ADAMTSL1: variants seen among roughly 807,000 people sequenced by gnomAD.
ADAMTSL1 encodes ADAMTS like 1, also known as ADAMTS-like protein 1.
ADAMTSL1 carries 126 observed loss-of-function variants against 201.8 expected under a neutral mutation model. The ratio of observed to expected loss-of-function variants is 0.62; its 90% CI spans 0.54 to 0.72. The LOEUF (loss-of-function observed/expected upper bound fraction) is 0.72. Ranked by LOEUF, ADAMTSL1 falls within the 30% of genes least tolerant of loss-of-function variation. The probability of loss-of-function intolerance (pLI) is 0.00; values close to 1 mark genes in which losing one functional copy is unlikely to be tolerated. For missense variants in ADAMTSL1, 2,679 were observed against 2,277.8 expected, an observed-to-expected ratio of 1.18 and a Z score of -3.59; for synonymous variants, 1,121 against 903.4, an observed-to-expected ratio of 1.24 and a Z score of -4.32.
At chr9:18,246,826 C>G (rs773183286) in intron 2 of ADAMTSL1, among the ~76,000 whole-genome samples, 2 of 152,070 alleles carry the variant, frequency 1.3e-5, no homozygotes, top group Non-Finnish European at 2.9e-5. Flanking sequence ...CAAAATTAAA[C>G]AAATACCTTC....
intron 1 of ADAMTSL1, among the ~76,000 whole-genome samples, chr9:17,980,623 G>A (rs892182349): frequency 4.6e-5 from 7 of 151,968 alleles, no homozygotes; most frequent in African/African-American, 1.7e-4. Context: ...GGGGTTTTTG[G>A]GGGGCAATTG....
chr9:18,845,191 C>G (rs562535476), intron 23 of ADAMTSL1, among the ~76,000 whole-genome samples: 2 of 152,182 alleles, frequency 1.3e-5, no homozygotes, highest in East Asian at 1.9e-4. Context: ...GCTCAAGTGT[C>G]GGCAGCACAC....
intron 2 of ADAMTSL1, among the ~76,000 whole-genome samples, chr9:18,174,600 A>T (rs1345341944): frequency 6.6e-6 from 1 of 152,168 alleles, no homozygotes; most frequent in African/African-American, 2.4e-5. Context: ...TCTAATATGG[A>T]TACACATGAC....
chr9:18,218,261 C>G (rs1392752734), intron 2 of ADAMTSL1, among the ~76,000 whole-genome samples: 1 of 152,124 alleles, frequency 6.6e-6, no homozygotes, highest in Non-Finnish European at 1.5e-5. Context: ...AGAGGTCCTA[C>G]AAAATATCAG....
chr9:18,584,776 G>A (rs1281324984), intron 4 of ADAMTSL1, among the ~76,000 whole-genome samples: 1 of 152,034 alleles, frequency 6.6e-6, no homozygotes, highest in Non-Finnish European at 1.5e-5. Flanking sequence ...CAGTATTGGT[G>A]GGCACCATCC....
At chr9:18,272,502 C>T (rs1383847816) in intron 2 of ADAMTSL1, among the ~76,000 whole-genome samples, 1 of 152,136 alleles carries the variant, frequency 6.6e-6, no homozygotes, top group African/African-American at 2.4e-5. Flanking sequence ...ACCATAAAAA[C>T]CCTAGAAGAA....
At chr9:18,306,426 C>T (rs1833910899) in intron 2 of ADAMTSL1, among the ~76,000 whole-genome samples, 1 of 152,022 alleles carries the variant, frequency 6.6e-6, no homozygotes, top group Non-Finnish European at 1.5e-5. Flanking sequence ...TAACCCAATG[C>T]AAGGAAGCTA....
At chr9:18,763,149 C>A (rs1208590274) in intron 16 of ADAMTSL1, among the ~76,000 whole-genome samples, 1 of 152,166 alleles carries the variant, frequency 6.6e-6, no homozygotes, top group Non-Finnish European at 1.5e-5. Flanking sequence ...TCCCTTTGGT[C>A]CACATCCTCT....
chr9:18,560,434 A>G (rs1326566923), intron 3 of ADAMTSL1, among the ~76,000 whole-genome samples: 4 of 152,204 alleles, frequency 2.6e-5, no homozygotes, highest in African/African-American at 9.7e-5. Context: ...AGATGTTCAC[A>G]TCAATGTTCA....
intron 26 of ADAMTSL1, among the ~76,000 whole-genome samples, chr9:18,896,093 C>T (rs1829619728): frequency 6.6e-6 from 1 of 152,184 alleles, no homozygotes; most frequent in African/African-American, 2.4e-5. Context: ...AGTTGTGAGA[C>T]ACCCTCAAGT....
chr9:18,836,050 G>A (rs1325477552), intron 23 of ADAMTSL1, among the ~76,000 whole-genome samples: 7 of 152,194 alleles, frequency 4.6e-5, no homozygotes, highest in South Asian at 2.1e-4. Context: ...TTGAATGATC[G>A]TTGTGTTTTA....
Position 17,930,139 on chromosome 9 carries a change from A to T in ADAMTSL1, c.87+23217A>T, listed in dbSNP as rs1268889242. On this transcript the variant is annotated intron_variant, in intron 1 of 29. Coordinates refer to the ADAMTSL1 transcript ENST00000680146. ...AAAATCCTGAAATCTCAGAGTTTTAACAAAATTTCTCGGTCACATAAAGTC... is the reference window on the plus strand; with the variant it reads ...AAAATCCTGAAATCTCAGAGTTTTATCAAAATTTCTCGGTCACATAAAGTC... Among the ~76,000 whole-genome samples the T allele has an allele frequency of 7.2e-5, 11 of 152,196 alleles. No individual in the cohort carries two copies. In the East Asian group the frequency reaches 7.7e-4, roughly 11 times the overall value.
chr9:18,240,232 G>A (rs921299243), intron 2 of ADAMTSL1, among the ~76,000 whole-genome samples: 7 of 152,118 alleles, frequency 4.6e-5, no homozygotes, highest in Admixed American at 3.9e-4. Context: ...GCTACAGAAT[G>A]GATGTTGTAT....
In ADAMTSL1 at chr9:17,910,167, GC is replaced by G. The variant is rs1336876737; in HGVS notation, c.87+3249del. Among the ~76,000 whole-genome samples the G allele has an allele frequency of 5.9e-5, 4 of 67,360 alleles. 2 individuals are homozygous for G. The highest frequency in any genetic ancestry group is 1.8e-4 in the Non-Finnish European group (4 of 22,050). 44.2% of individuals were successfully genotyped at this position (67,360 alleles called of 152,430 possible). On this transcript the variant is annotated intron_variant, in intron 1 of 29. Transcript: ENST00000680146. ...CCTCATCTGTTAAGTGAGGGTGTTG[GC>G]CCCTTTTTTCACAGGTCCTACCAGC... is the stretch of plus-strand genomic sequence containing the variant.
At chr9:18,325,743 TG>T (rs1283233704) in intron 2 of ADAMTSL1, among the ~76,000 whole-genome samples, 30 of 139,658 alleles carry the variant, frequency 2.1e-4, no homozygotes, top group African/African-American at 8.7e-4. Context: ...AAAGGACCTT[TG>T]TTTTTTTTTT....
At chr9:18,024,067 G>C (rs1205148229) in intron 1 of ADAMTSL1, among the ~76,000 whole-genome samples, 1 of 151,306 alleles carries the variant, frequency 6.6e-6, no homozygotes, top group Non-Finnish European at 1.5e-5. Context: ...TTATCATTTT[G>C]TATCTGGTTA....
At chr9:18,082,227 A>C (rs777626861) in intron 1 of ADAMTSL1, among the ~76,000 whole-genome samples, 3 of 152,216 alleles carry the variant, frequency 2.0e-5, no homozygotes, top group South Asian at 2.1e-4. Flanking sequence ...AAGAAGTACG[A>C]AACTAAATAT....
At chr9:18,556,779 C>G (rs1439651561) in intron 3 of ADAMTSL1, among the ~76,000 whole-genome samples, 1 of 151,980 alleles carries the variant, frequency 6.6e-6, no homozygotes, top group African/African-American at 2.4e-5. Context: ...TGATTAGACT[C>G]ATATGTTAAG....
At chr9:18,301,447 C>G (rs949367951) in intron 2 of ADAMTSL1, among the ~76,000 whole-genome samples, 8 of 152,072 alleles carry the variant, frequency 5.3e-5, no homozygotes, top group Middle Eastern at 3.2e-3. Context: ...CTGAGAGTAT[C>G]AAATCTTTTA....
Sources: gnomAD v4.1 joint callset for allele counts (sites outside exome capture counted in the v4.1 genomes callset) on GRCh38, gnomAD v4.1.1 for gene constraint, MANE v1.5 for transcripts, NCBI Gene and HGNC (gene_info 2026-07-23, HGNC 2026-07-21) for gene names.